Variants in ARSF observed in about 807,000 individuals in gnomAD.
ARSF encodes arylsulfatase F.
A neutral mutation model predicts 35.4 loss-of-function variants in ARSF; 33 were observed. That is an observed-to-expected ratio of 0.93 (90% CI 0.71 to 1.25). ARSF has a LOEUF of 1.25. ARSF is among the 50% of genes most tolerant of loss of function. The pLI, the probability that ARSF is intolerant of heterozygous loss-of-function variation, is 0.00. For synonymous variants in ARSF, 222 were observed against 193.1 expected, an observed-to-expected ratio of 1.15 and a Z score of -1.24; for missense variants, 501 against 480.2, an observed-to-expected ratio of 1.04 and a Z score of -0.40.
chrX:3,052,232 A>G (rs746786629), intron 1 of ARSF, among the ~76,000 whole-genome samples: 10 of 111,793 alleles, frequency 8.9e-5, no homozygotes, highest in Non-Finnish European at 1.7e-4. Context: ...CCTATCTCCC[A>G]TGACAGGGTC....
chrX:3,091,055 T>C (rs766106428), intron 7 of ARSF, among the ~76,000 whole-genome samples: 2 of 98,576 alleles, frequency 2.0e-5, no homozygotes, highest in Non-Finnish European at 4.1e-5. Context: ...GGGCTATCTA[T>C]AGGCACATGC....
Position 3,111,735 on chromosome X carries a change from C to G in ARSF, c.1391-439C>G, listed in dbSNP as rs1002839141. Among the ~76,000 whole-genome samples the G allele has an allele frequency of 4.6e-5, 5 of 109,518 alleles. No individual in the cohort carries two copies. In the Admixed American group the frequency reaches 5.0e-4, roughly 11 times the overall value. On this transcript the variant is annotated intron_variant, in intron 10 of 10. Transcript: ENST00000381127. ...TACATAATGAAATAATTCTACAACT[C>G]ATCATCATGTAGAATCAGTGGGAGC...
intron 7 of ARSF, among the ~76,000 whole-genome samples, chrX:3,098,136 TA>T (rs1403563709): frequency 9.2e-6 from 1 of 109,145 alleles, no homozygotes; most frequent in Non-Finnish European, 1.9e-5. Context: ...TTTTTAAATT[TA>T]TTTTTTTAAT....
chrX:3,043,177 G>A (rs920321427), intron 1 of ARSF, among the ~76,000 whole-genome samples: 1 of 111,085 alleles, frequency 9.0e-6, no homozygotes, highest in African/African-American at 3.3e-5. Context: ...GAAGAAGAAA[G>A]TTACAAGGAG....
intron 7 of ARSF, among the ~76,000 whole-genome samples, chrX:3,095,098 C>T (rs1157134247): frequency 3.7e-5 from 4 of 108,417 alleles, no homozygotes; most frequent in South Asian, 3.9e-4. Context: ...CAGTGAGCCA[C>T]GATTGCACCA....
intron 1 of ARSF, among the ~76,000 whole-genome samples, chrX:3,053,256 T>A (rs1258517577): frequency 9.0e-6 from 1 of 111,417 alleles, no homozygotes; most frequent in Non-Finnish European, 1.9e-5. Context: ...TTCCTTGATT[T>A]GCAGTTGTAC....
chrX:3,070,413 G>C (rs1412192206), intron 2 of ARSF, among the ~76,000 whole-genome samples: 1 of 109,795 alleles, frequency 9.1e-6, no homozygotes, highest in African/African-American at 3.3e-5. Context: ...ATGAAGTTAA[G>C]GTTAAATCCC....
At chrX:3,109,553 C>A (rs946144348) in intron 9 of ARSF, among the ~76,000 whole-genome samples, 3 of 110,578 alleles carry the variant, frequency 2.7e-5, no homozygotes, top group Non-Finnish European at 5.7e-5. Context: ...GTGAACATAG[C>A]GCCCAACGGG....
chrX:3,092,056 A>G lies in ARSF; in HGVS notation c.967+2424A>G, dbSNP rs374127587. On this transcript the variant is annotated intron_variant, in intron 7 of 10. Coordinates refer to ENST00000381127, the MANE Select transcript of ARSF (RefSeq NM_001201539.2). ...GATGGATAGATATATAGATAAGTAC[A>G]TGATACATATGACAGATGATAGATG... Among the ~76,000 whole-genome samples the G allele has an allele frequency of 4.5e-5, 5 of 111,100 alleles. No homozygotes were observed. The East Asian group carries it at 1.4e-3, about 31-fold the overall frequency.
At chrX:3,102,135 T>TA (rs1213621875) in intron 8 of ARSF, among the ~76,000 whole-genome samples, 11 of 108,695 alleles carry the variant, frequency 1.0e-4, no homozygotes, top group Non-Finnish European at 1.7e-4. Flanking sequence ...CATTCTATTT[T>TA]AAAAAAAAAA....
At position 3,042,527 on chromosome X, in the gene ARSF, C is replaced by T. The variant is rs1047695193; in HGVS notation, c.-29+864C>T. Reference sequence around the variant, plus strand: ...ATTTATATTTTTTGAGATGGAGCCTCGCTCTGTCTCCCAGGCTGGAGTGCA... The same window carrying T: ...ATTTATATTTTTTGAGATGGAGCCTTGCTCTGTCTCCCAGGCTGGAGTGCA... On this transcript the variant is annotated intron_variant, in intron 1 of 10. Transcript: ENST00000381127. Among the ~76,000 whole-genome samples the T allele has an allele frequency of 5.4e-5, 6 of 111,015 alleles. No individual in the cohort carries two copies. The East Asian group carries it at 8.6e-4, about 16-fold the overall frequency.
intron 9 of ARSF, among the ~76,000 whole-genome samples, chrX:3,107,127 A>C (rs1257745065): frequency 8.9e-6 from 1 of 112,018 alleles, no homozygotes; most frequent in Non-Finnish European, 1.9e-5. Context: ...GTACATATTC[A>C]GTACAAACAA....
At chrX:3,045,331 A>G (rs2089970257) in intron 1 of ARSF, among the ~76,000 whole-genome samples, 1 of 111,402 alleles carries the variant, frequency 9.0e-6, no homozygotes, top group Non-Finnish European at 1.9e-5. Context: ...AGTAGGCAAA[A>G]GAAAGAGAAG....
intron 7 of ARSF, among the ~76,000 whole-genome samples, chrX:3,098,131 A>T (rs55778866): frequency 0.026 from 2,840 of 107,644 alleles, 44 homozygotes; most frequent in Middle Eastern, 0.062. Context: ...ATAATTTTTT[A>T]AATTTATTTT....
chrX:3,082,737 A>T (rs916547561), intron 5 of ARSF, among the ~76,000 whole-genome samples: 2 of 111,190 alleles, frequency 1.8e-5, no homozygotes, highest in African/African-American at 3.3e-5. Flanking sequence ...TATTACATCT[A>T]TGTCTCTATT....
At chrX:3,043,981 G>A in intron 1 of ARSF, among the ~76,000 whole-genome samples, 1 of 111,013 alleles carries the variant, frequency 9.0e-6, no homozygotes, top group African/African-American at 3.3e-5. Flanking sequence ...TAGAGATGGG[G>A]TTTTGCCATG....
intron 8 of ARSF, among the ~76,000 whole-genome samples, chrX:3,102,860 C>A (rs191959143): frequency 9.1e-6 from 1 of 109,529 alleles, no homozygotes; most frequent in Admixed American, 9.7e-5. Context: ...TGCAGTGAGC[C>A]GCGATAGCAC....
At position 3,055,477 on chromosome X, in the gene ARSF, A is replaced by G. The variant is rs140357866; in HGVS notation, c.-28-12596A>G. Among the ~76,000 whole-genome samples the G allele has an allele frequency of 1.7e-4, 19 of 110,661 alleles. 1 individual carries two copies. The highest frequency in any genetic ancestry group is 6.3e-4 in the African/African-American group (19 of 30,392). The stretch of plus-strand genomic sequence containing the variant: ...CCCCTTATCCCTCTTGTTCAAGTCA[A>G]CCAGTCAGGAAATATAAAGAATGAT... On this transcript the variant is annotated intron_variant, in intron 1 of 10. Coordinates refer to ENST00000381127, the MANE Select transcript of ARSF (RefSeq NM_001201539.2).
At position 3,087,649 on chromosome X, in the gene ARSF, A is replaced by T. The variant is rs187004959; in HGVS notation, c.831-1847A>T. On this transcript the variant is annotated intron_variant, in intron 6 of 10. Transcript: ENST00000381127. ...TATATTTCTGGGGGCTACTATTCAAACTACTACAATTGTATCCAGTTTCTT... is the reference window on the plus strand; with the variant it reads ...TATATTTCTGGGGGCTACTATTCAATCTACTACAATTGTATCCAGTTTCTT... 2.3e-3 allele frequency among the ~76,000 whole-genome samples: 256 copies of T among 110,489 alleles called. 2 individuals carry two copies. The highest frequency in any genetic ancestry group is 7.0e-3 in the African/African-American group (211 of 30,358).
Sources: allele counts gnomAD v4.1 joint callset (sites outside exome capture counted in the v4.1 genomes callset), GRCh38; gene constraint gnomAD v4.1.1; transcripts MANE v1.5; gene names NCBI Gene and HGNC (gene_info 2026-07-23, HGNC 2026-07-21).